SALL3: variants seen among roughly 807,000 people sequenced by gnomAD.
The protein encoded by SALL3 is spalt like transcription factor 3.
Under a neutral mutation model 66.2 loss-of-function variants are expected in SALL3, and 25 were observed. The ratio of observed to expected loss-of-function variants is 0.38; its 90% CI spans 0.28 to 0.53. The LOEUF (loss-of-function observed/expected upper bound fraction) is 0.53. SALL3 is among the 20% of genes least tolerant of loss of function. The probability of loss-of-function intolerance (pLI) is 0.85; values close to 1 mark genes in which losing one functional copy is unlikely to be tolerated. For synonymous variants in SALL3, 1,152 were observed against 899.1 expected, an observed-to-expected ratio of 1.28 and a Z score of -5.03; for missense variants, 2,194 against 1,916.5, an observed-to-expected ratio of 1.14 and a Z score of -2.70.
In SALL3 at chr18:78,994,860, A is replaced by G; in HGVS notation, c.2869A>G (p.Lys957Glu). 2 of 1,604,930 alleles carry G rather than the reference A, an allele frequency of 1.2e-6. No homozygotes were observed. The highest frequency in any genetic ancestry group is 1.1e-5 in the South Asian group (1 of 90,262). Residue 957 changes from lysine to glutamate, a missense_variant, in exon 2 of 3, where the codon AAG becomes GAG. Transcript: ENST00000537592. Reference sequence around the variant, plus strand: ...AGGCGCCCCTGGCCGCGCGGGCATCAAGGAGGAGGCGCCCTTCAGCCTGCT... The same window carrying G: ...AGGCGCCCCTGGCCGCGCGGGCATCGAGGAGGAGGCGCCCTTCAGCCTGCT... Reference protein sequence around the residue: ...SGGAPGRAGIKEEAPFSLLFL... With the variant: ...SGGAPGRAGIEEEAPFSLLFL...
Position 78,994,168 on chromosome 18 carries a change from T to C in SALL3, c.2177T>C (p.Phe726Ser). Reference sequence around the variant, plus strand: ...ACCAAGGGCAACCTCAAGACGCACTTCGGCGTGCACCGTGCAAAGCCGCCC... The same window carrying C: ...ACCAAGGGCAACCTCAAGACGCACTCCGGCGTGCACCGTGCAAAGCCGCCC... Reference protein sequence around the residue: ...FTTKGNLKTHFGVHRAKPPLR... With the variant: ...FTTKGNLKTHSGVHRAKPPLR... Residue 726 changes from phenylalanine (F) to serine (S), a missense_variant, in exon 2 of 3, where the codon TTC (phenylalanine) becomes TCC (serine). Physicochemically the swap from Phe to Ser is radical, Grantham distance 155. Transcript: ENST00000537592. 1 of 1,613,110 alleles carries C rather than the reference T, an allele frequency of 6.2e-7. No homozygotes were observed. Among genetic ancestry groups the C allele is most frequent in the Non-Finnish European group, 8.5e-7 (1 of 1,179,960 alleles).
At chr18:78,980,563 C>A (rs1056266861) in intron 1 of SALL3, among the ~76,000 whole-genome samples, 3 of 151,794 alleles carry the variant, frequency 2.0e-5, no homozygotes, top group Admixed American at 1.3e-4. Flanking sequence ...GAGTTGTGGG[C>A]GAAGTAAACT....
intron 1 of SALL3, among the ~76,000 whole-genome samples, chr18:78,991,390 G>GT (rs1018145388): frequency 9.7e-6 from 1 of 103,390 alleles, no homozygotes; most frequent in Non-Finnish European, 1.9e-5. Flanking sequence ...GGGTGGGGGG[G>GT]GGGGAACTGC....
rs1393387707 is a variant in SALL3 at position 78,998,241 on chromosome 18, T to C, written c.*919T>C. The C allele has an allele frequency of 2.6e-5, 4 of 152,338 alleles. No homozygotes were observed. Among genetic ancestry groups the C allele is most frequent in the Non-Finnish European group, 5.9e-5 (4 of 68,020 alleles). The allele number at this position is 152,338 out of a possible 1,614,324, so 9.4% of individuals were successfully genotyped here. ...GGTTGCAAACTCTTAATTTATACTATTGCACTTTTAGTATTTTGTATTAGG... is the reference window on the plus strand; with the variant it reads ...GGTTGCAAACTCTTAATTTATACTACTGCACTTTTAGTATTTTGTATTAGG... On this transcript the variant is annotated 3_prime_UTR_variant, in exon 3 of 3. Transcript: ENST00000537592.
rs867553343 is a variant in SALL3, at chr18:78,995,362, C to A, written c.3371C>A (p.Ser1124Ter). Reference sequence around the variant, plus strand: ...CAGTCGTGCGGGAAGACCTTCTCCTCGGCCAGCGCCCTGCAGATCCATGAG... The same window carrying A: ...CAGTCGTGCGGGAAGACCTTCTCCTAGGCCAGCGCCCTGCAGATCCATGAG... ...NCQSCGKTFS[S>*]ASALQIHERT... The change falls in exon 2 of 3, where the codon TCG (serine) becomes TAG (stop). Residue 1124 changes from serine to a stop codon, truncating the protein, a stop_gained. Coordinates refer to ENST00000537592, the MANE Select transcript of SALL3 (RefSeq NM_171999.4). LOFTEE classifies it high-confidence loss of function. 6.3e-7 allele frequency: 1 copy of A among 1,577,948 alleles called. No homozygotes were observed. The highest frequency in any genetic ancestry group is 2.3e-5 in the East Asian group (1 of 43,972).
At chr18:78,982,652 G>C (rs1008652415) in intron 1 of SALL3, among the ~76,000 whole-genome samples, 2 of 152,104 alleles carry the variant, frequency 1.3e-5, no homozygotes, top group Non-Finnish European at 2.9e-5. Context: ...AGGTAAATGG[G>C]TGTGGAAACC....
At chr18:78,996,767 T>C in intron 2 of SALL3, 124 bp from the exon 3 acceptor site, 1 of 884,672 alleles carries the variant, frequency 1.1e-6, no homozygotes, top group Non-Finnish European at 1.7e-6. Context: ...AGTCCACCTG[T>C]GTTTTGTTGT....
In SALL3 at chr18:78,994,746, T is replaced by TCCCCGGGCCTGGGCGCCCCGGAGGAG. The variant is rs1914620795; in HGVS notation, c.2760_2785dup (p.Gln929ArgfsTer48). 6.2e-7 allele frequency: 1 copy of TCCCCGGGCCTGGGCGCCCCGGAGGAG among 1,602,056 alleles called. No individual in the cohort carries two copies. The highest frequency in any genetic ancestry group is 8.5e-7 in the Non-Finnish European group (1 of 1,178,818). On this transcript the variant is annotated frameshift_variant, in exon 2 of 3. Coordinates refer to ENST00000537592, the MANE Select transcript of SALL3 (RefSeq NM_171999.4). LOFTEE classifies it high-confidence loss of function. ...CAATGGTGAGAGCTTCCGCTCCAAG[T>TCCCCGGGCCTGGGCGCCCCGGAGGAG]CCCCGGGCCTGGGCGCCCCGGAGGA...
chr18:78,984,585 T>C lies in SALL3; in HGVS notation c.82+4229T>C, dbSNP rs1914176848. The stretch of plus-strand genomic sequence containing the variant: ...CATACACAATGAAACAAACTGTATG[T>C]AAAAATTGAGCAATTTAATGTTCCA... On this transcript the variant is annotated intron_variant, in intron 1 of 2. Coordinates refer to ENST00000537592, the MANE Select transcript of SALL3 (RefSeq NM_171999.4). Among the ~76,000 whole-genome samples, 4 of 152,082 alleles carry C rather than the reference T, an allele frequency of 2.6e-5. No individual in the cohort carries two copies. The South Asian group carries it at 8.3e-4, about 31-fold the overall frequency.
rs1339989057 is a variant in SALL3 at position 78,994,231 on chromosome 18, A to T, written c.2240A>T (p.Lys747Met). 2.5e-6 allele frequency: 4 copies of T among 1,613,586 alleles called. No homozygotes were observed. Among genetic ancestry groups the T allele is most frequent in the Non-Finnish European group, 3.4e-6 (4 of 1,179,986 alleles). ...CACTCCTGCCCCATCTGCCAGAAGA[A>T]GTTCACCAACGCCGTGGTCCTGCAG... The part of the protein sequence containing the change: ...VQHSCPICQK[K>M]FTNAVVLQQH... Residue 747 changes from lysine (K) to methionine (M), a missense_variant, in exon 2 of 3, where the codon AAG (lysine) becomes ATG (methionine). Transcript: ENST00000537592.
chr18:78,981,569 T>C (rs1370772838), intron 1 of SALL3, among the ~76,000 whole-genome samples: 8 of 152,178 alleles, frequency 5.3e-5, no homozygotes, highest in African/African-American at 1.7e-4. Context: ...CGAGAGAGCA[T>C]GCTTATGACG....
In SALL3 at chr18:78,992,700, C is replaced by G; in HGVS notation, c.709C>G (p.Pro237Ala). Residue 237 changes from proline to alanine, a missense_variant, in exon 2 of 3, where the codon CCG becomes GCG. Transcript: ENST00000537592. The part of the protein sequence containing the change: ...RSQVALMQRP[P>A]PRPSLSPAAA... Reference sequence around the variant, plus strand: ...CCAGGTGGCCCTCATGCAGCGCCCGCCGCCGCGGCCCTCACTCAGCCCCGC... The same window carrying G: ...CCAGGTGGCCCTCATGCAGCGCCCGGCGCCGCGGCCCTCACTCAGCCCCGC... The G allele has an allele frequency of 1.3e-6, 2 of 1,501,662 alleles. No individual in the cohort carries two copies. Among genetic ancestry groups the G allele is most frequent in the Non-Finnish European group, 1.8e-6 (2 of 1,129,156 alleles). 93.0% of individuals were successfully genotyped at this position (1,501,662 alleles called of 1,614,324 possible). A position where few individuals can be genotyped will look rare whatever the true frequency, so the allele number is the denominator to read the frequency against.
rs1231763343 is a variant in SALL3, at chr18:78,993,517, T to G, written c.1526T>G (p.Val509Gly). ...ATGTCGCTGCCCCCCGAGAAGCCCGTGACCACCTGGCTGGACAGCAAGCCC... is the reference window on the plus strand; with the variant it reads ...ATGTCGCTGCCCCCCGAGAAGCCCGGGACCACCTGGCTGGACAGCAAGCCC... ...YGMSLPPEKPVTTWLDSKPVL... is the reference protein window; with the variant it reads ...YGMSLPPEKPGTTWLDSKPVL... The change falls in exon 2 of 3, where the codon GTG becomes GGG. Residue 509 changes from valine (V) to glycine (G), a missense_variant. Transcript: ENST00000537592. The G allele has an allele frequency of 6.3e-7, 1 of 1,598,900 alleles. No homozygotes were observed. Among genetic ancestry groups the G allele is most frequent in the African/African-American group, 1.4e-5 (1 of 73,726 alleles).
At chr18:78,984,643 T>C (rs1156443115) in intron 1 of SALL3, among the ~76,000 whole-genome samples, 1 of 151,904 alleles carries the variant, frequency 6.6e-6, no homozygotes, top group African/African-American at 2.4e-5. Context: ...AAAACCTGTC[T>C]AGGGTTATTT....
Position 78,980,126 on chromosome 18 carries a change from A to C in SALL3, c.-149A>C, listed in dbSNP as rs1486472759. 3 of 151,920 alleles carry C rather than the reference A, an allele frequency of 2.0e-5. No individual in the cohort carries two copies. The highest frequency in any genetic ancestry group is 4.2e-5 in the Non-Finnish European group (3 of 71,816). 9.4% of individuals were successfully genotyped at this position (151,920 alleles called of 1,614,324 possible). On this transcript the variant is annotated 5_prime_UTR_variant, in exon 1 of 3. Transcript: ENST00000537592. ...CGCTAATGGCCATGCATTATTCACC[A>C]GCCTAATTGCTCAGCCCCATGCGCG...
Position 78,994,281 on chromosome 18 carries a change from G to A in SALL3, c.2290G>A (p.Gly764Ser). 1 of 1,613,766 alleles carries A rather than the reference G, an allele frequency of 6.2e-7. No homozygotes were observed. Among genetic ancestry groups the A allele is most frequent in the Non-Finnish European group, 8.5e-7 (1 of 1,180,024 alleles). ...LQQHIRMHMG[G>S]QIPNTPLPEG... ...GCAGCACATCCGCATGCACATGGGC[G>A]GCCAGATCCCCAACACGCCGCTGCC... Residue 764 changes from glycine (G) to serine (S), a missense_variant, in exon 2 of 3, where the codon GGC becomes AGC. Coordinates refer to ENST00000537592, the MANE Select transcript of SALL3 (RefSeq NM_171999.4).
intron 1 of SALL3, among the ~76,000 whole-genome samples, chr18:78,989,442 A>G (rs547973503): frequency 6.6e-6 from 1 of 152,348 alleles, no homozygotes; most frequent in South Asian, 2.1e-4. Flanking sequence ...AATCTGGGAA[A>G]TGTTCATTTT....
chr18:78,990,406 T>G (rs1036850404), intron 1 of SALL3, among the ~76,000 whole-genome samples: 2 of 152,238 alleles, frequency 1.3e-5, no homozygotes, highest in Non-Finnish European at 2.9e-5. Flanking sequence ...GCTAATAATT[T>G]TTTAAAGGCA....
intron 1 of SALL3, among the ~76,000 whole-genome samples, chr18:78,981,304 G>A (rs1174328202): frequency 2.0e-5 from 3 of 152,184 alleles, no homozygotes; most frequent in African/African-American, 7.2e-5. Context: ...CCCCCAGGGC[G>A]CCAGGAAAGA....
Sources: gnomAD v4.1 joint callset for allele counts (sites outside exome capture counted in the v4.1 genomes callset) on GRCh38, gnomAD v4.1.1 for gene constraint, MANE v1.5 for transcripts, NCBI Gene and HGNC (gene_info 2026-07-23, HGNC 2026-07-21) for gene names.